CCSER1: variants seen among roughly 807,000 people sequenced by gnomAD.
CCSER1 encodes the protein coiled-coil serine rich protein 1, also known as serine-rich coiled-coil domain-containing protein 1.
Under a neutral mutation model 82.0 loss-of-function variants are expected in CCSER1, and 41 were observed. That is an observed-to-expected ratio of 0.50 (90% CI 0.39 to 0.65). CCSER1 has a LOEUF of 0.65. Ranked by LOEUF, CCSER1 falls within the 30% of genes least tolerant of loss-of-function variation. The pLI is 0.00. For synonymous variants in CCSER1, 414 were observed against 383.9 expected, an observed-to-expected ratio of 1.08 and a Z score of -0.92; for missense variants, 1,119 against 1,064.2, an observed-to-expected ratio of 1.05 and a Z score of -0.72.
At chr4:91,058,220 T>A (rs1369838613) in intron 9 of CCSER1, among the ~76,000 whole-genome samples, 3 of 152,002 alleles carry the variant, frequency 2.0e-5, no homozygotes, top group Non-Finnish European at 4.4e-5. Flanking sequence ...TATGTGTCCA[T>A]GTGTTCTCAT....
chr4:91,143,224 T>A (rs938234316), intron 10 of CCSER1, among the ~76,000 whole-genome samples: 1 of 151,818 alleles, frequency 6.6e-6, no homozygotes, highest in Non-Finnish European at 1.5e-5. Context: ...TTCTAGGTAT[T>A]TTTTTGTGTG....
intron 10 of CCSER1, among the ~76,000 whole-genome samples, chr4:91,381,696 C>T (rs541423393): frequency 1.3e-4 from 20 of 152,252 alleles, no homozygotes; most frequent in African/African-American, 3.6e-4. Context: ...CAAGCTTCCT[C>T]CTTTGCTCGG....
chr4:90,747,401 A>C (rs1747675668), intron 7 of CCSER1, among the ~76,000 whole-genome samples: 1 of 152,194 alleles, frequency 6.6e-6, no homozygotes, highest in Non-Finnish European at 1.5e-5. Flanking sequence ...AATTTCTTGG[A>C]AAGTCAGCAA....
At chr4:90,325,675 C>A (rs1381336411) in intron 3 of CCSER1, 2 of 446,824 alleles carry the variant, frequency 4.5e-6, no homozygotes, top group South Asian at 1.6e-5. Flanking sequence ...AAACTAACTA[C>A]CTGTTCTGAG....
At chr4:90,673,007 TATA>T (rs1216113413) in intron 6 of CCSER1, among the ~76,000 whole-genome samples, 1 of 151,844 alleles carries the variant, frequency 6.6e-6, no homozygotes, top group Non-Finnish European at 1.5e-5. Context: ...TCGTAACAGA[TATA>T]ATAATAATTT....
At chr4:91,324,714 G>A (rs1370702121) in intron 10 of CCSER1, among the ~76,000 whole-genome samples, 1 of 152,126 alleles carries the variant, frequency 6.6e-6, no homozygotes, top group Non-Finnish European at 1.5e-5. Flanking sequence ...TCTAGTACAG[G>A]AAATCTGGGA....
chr4:90,709,584 T>C (rs1740089163), intron 6 of CCSER1, among the ~76,000 whole-genome samples: 1 of 152,134 alleles, frequency 6.6e-6, no homozygotes. Flanking sequence ...GGCTTTCAAC[T>C]CCATCCATGT....
chr4:91,423,875 T>C (rs1289175834), intron 10 of CCSER1, among the ~76,000 whole-genome samples: 2 of 151,840 alleles, frequency 1.3e-5, no homozygotes, highest in Admixed American at 1.3e-4. Context: ...GGCAGAGAAA[T>C]GTCATATATA....
rs138485281 is a variant in CCSER1 at position 90,257,560 on chromosome 4, GATAC to G, written c.-41-50680_-41-50677del. 9.6e-3 allele frequency among the ~76,000 whole-genome samples: 1,386 copies of G among 145,080 alleles called. 9 individuals are homozygous for G. Among genetic ancestry groups the G allele is most frequent in the African/African-American group, 0.02 (740 of 36,964 alleles). On this transcript the variant is annotated intron_variant, in intron 1 of 10. Transcript: ENST00000509176. ...AGATAGATAGATAGATAGATAGATA[GATAC>G]ATAGATACATAGATACATAGATACT...
At chr4:91,507,347 T>C (rs1235330570) in intron 10 of CCSER1, among the ~76,000 whole-genome samples, 1 of 152,206 alleles carries the variant, frequency 6.6e-6, no homozygotes, top group African/African-American at 2.4e-5. Flanking sequence ...TGGTATCTCA[T>C]TGTGATTTTG....
intron 5 of CCSER1, among the ~76,000 whole-genome samples, chr4:90,472,389 T>A (rs943573602): frequency 6.6e-6 from 1 of 152,218 alleles, no homozygotes; most frequent in Non-Finnish European, 1.5e-5. Flanking sequence ...TGACTTTTTT[T>A]ATTAAATATT....
intron 10 of CCSER1, among the ~76,000 whole-genome samples, chr4:91,292,736 C>T (rs1266966821): frequency 2.6e-5 from 4 of 151,804 alleles, no homozygotes; most frequent in Non-Finnish European, 5.9e-5. Flanking sequence ...AGAAGTGGAG[C>T]ATTTAAGAAT....
At chr4:90,691,588 A>G (rs894024057) in intron 6 of CCSER1, among the ~76,000 whole-genome samples, 26 of 108,560 alleles carry the variant, frequency 2.4e-4, no homozygotes, top group African/African-American at 6.9e-4. Context: ...ATGCATGTGA[A>G]TATATCACAT....
At chr4:90,181,084 C>T (rs1272547036) in intron 1 of CCSER1, among the ~76,000 whole-genome samples, 1 of 151,976 alleles carries the variant, frequency 6.6e-6, no homozygotes. Context: ...CTTCCTGGTG[C>T]AATAGAAAAA....
intron 1 of CCSER1, among the ~76,000 whole-genome samples, chr4:90,234,612 T>C (rs1745409979): frequency 6.6e-6 from 1 of 152,206 alleles, no homozygotes; most frequent in Non-Finnish European, 1.5e-5. Context: ...ACACTGAGTT[T>C]TTGAGTTGCC....
chr4:90,346,093 G>A (rs1312605047), intron 3 of CCSER1, among the ~76,000 whole-genome samples: 2 of 151,782 alleles, frequency 1.3e-5, no homozygotes, highest in Middle Eastern at 3.4e-3. Context: ...TATATAAAAT[G>A]GTGTTTAAAT....
At chr4:90,947,675 A>G (rs41391446) in intron 9 of CCSER1, among the ~76,000 whole-genome samples, 89,410 of 152,000 alleles carry the variant, frequency 0.59, 27,945 homozygotes, top group East Asian at 0.7. Flanking sequence ...ATTAATTCAC[A>G]ATGACAGTGT....
intron 6 of CCSER1, among the ~76,000 whole-genome samples, chr4:90,721,174 G>A (rs1742612826): frequency 6.6e-6 from 1 of 151,852 alleles, no homozygotes; most frequent in South Asian, 2.1e-4. Flanking sequence ...AATAGAAATA[G>A]AAAGGGAGAG....
At chr4:91,269,250 G>A (rs1425100946) in intron 10 of CCSER1, among the ~76,000 whole-genome samples, 5 of 152,136 alleles carry the variant, frequency 3.3e-5, no homozygotes, top group African/African-American at 4.8e-5. Context: ...TTAATTAAGG[G>A]TTAATATAAA....
Sources: gnomAD v4.1 joint callset for allele counts (sites outside exome capture counted in the v4.1 genomes callset) on GRCh38, gnomAD v4.1.1 for gene constraint, MANE v1.5 for transcripts, NCBI Gene and HGNC (gene_info 2026-07-23, HGNC 2026-07-21) for gene names.